FAT3: variants seen among roughly 807,000 people sequenced by gnomAD.
FAT3 encodes FAT atypical cadherin 3.
In FAT3, 95 loss-of-function variants were observed where a neutral mutation model predicts 310.2. That is an observed-to-expected ratio of 0.31 (90% CI 0.26 to 0.36). The LOEUF (loss-of-function observed/expected upper bound fraction) is 0.36. FAT3 is among the 10% of genes least tolerant of loss of function. The pLI, the probability that FAT3 is intolerant of heterozygous loss-of-function variation, is 1.00. For missense variants in FAT3, 5,408 were observed against 5,715.6 expected (o/e 0.95, Z 1.74); for synonymous variants, 2,314 against 2,192.9 (o/e 1.06, Z -1.54).
intron 1 of FAT3, among the ~76,000 whole-genome samples, chr11:92,343,427 A>G (rs1948323668): frequency 6.6e-6 from 1 of 152,166 alleles, no homozygotes. Context: ...CTCAGGGTAG[A>G]CAAGCAGAGT....
At chr11:92,333,894 C>T (rs1039302255) in intron 1 of FAT3, among the ~76,000 whole-genome samples, 1 of 151,958 alleles carries the variant, frequency 6.6e-6, no homozygotes, top group Non-Finnish European at 1.5e-5. Flanking sequence ...ATTCCCCCTC[C>T]CCCCCAACAA....
intron 4 of FAT3, among the ~76,000 whole-genome samples, chr11:92,728,261 C>T (rs1945059773): frequency 6.6e-6 from 1 of 152,086 alleles, no homozygotes; most frequent in African/African-American, 2.4e-5. Context: ...GTTTGTTTAA[C>T]TAGTCCTTGT....
At chr11:92,872,731 T>C (rs1394335353) in intron 22 of FAT3, among the ~76,000 whole-genome samples, 2 of 152,202 alleles carry the variant, frequency 1.3e-5, no homozygotes, top group African/African-American at 2.4e-5. Flanking sequence ...ATATACAATA[T>C]ATAAAATGTG....
intron 13 of FAT3, among the ~76,000 whole-genome samples, chr11:92,823,804 T>G (rs891748120): frequency 6.6e-6 from 1 of 152,230 alleles, no homozygotes; most frequent in Admixed American, 6.5e-5. Context: ...GAAGAACTTT[T>G]AAAAGGCACT....
intron 6 of FAT3, among the ~76,000 whole-genome samples, chr11:92,769,101 GC>G (rs1180624897): frequency 6.6e-6 from 1 of 152,146 alleles, no homozygotes; most frequent in African/African-American, 2.4e-5. Flanking sequence ...AAGCTGGGTA[GC>G]AAGCAAGATT....
At chr11:92,762,786 C>G (rs1946189120) in intron 5 of FAT3, among the ~76,000 whole-genome samples, 1 of 152,126 alleles carries the variant, frequency 6.6e-6, no homozygotes, top group South Asian at 2.1e-4. Flanking sequence ...CCAGTGTGCT[C>G]CCCTGATCCC....
At chr11:92,827,559 A>G (rs946514343) in intron 13 of FAT3, among the ~76,000 whole-genome samples, 2 of 152,190 alleles carry the variant, frequency 1.3e-5, no homozygotes, top group Admixed American at 1.3e-4. Context: ...GTACTAGACC[A>G]CATTGCCTTC....
At chr11:92,677,084 G>GAT (rs1365228026) in intron 3 of FAT3, among the ~76,000 whole-genome samples, 1 of 152,214 alleles carries the variant, frequency 6.6e-6, no homozygotes, top group East Asian at 1.9e-4. Flanking sequence ...TTACAGGCGA[G>GAT]ATACTGGGTC....
intron 4 of FAT3, among the ~76,000 whole-genome samples, chr11:92,711,126 T>G (rs1944506970): frequency 6.6e-6 from 1 of 152,196 alleles, no homozygotes; most frequent in East Asian, 1.9e-4. Context: ...TGTTTTAAAT[T>G]TTGGTAAATA....
At chr11:92,447,457 T>G (rs1483193780) in intron 2 of FAT3, among the ~76,000 whole-genome samples, 1 of 152,056 alleles carries the variant, frequency 6.6e-6, no homozygotes, top group Admixed American at 6.6e-5. Flanking sequence ...CTTCAAGGTG[T>G]GCCATCCTGG....
intron 3 of FAT3, among the ~76,000 whole-genome samples, chr11:92,637,275 A>G (rs1941799018): frequency 6.6e-6 from 1 of 152,202 alleles, no homozygotes; most frequent in African/African-American, 2.4e-5. Context: ...GACTTCTTGC[A>G]TACTCTTTCT....
intron 2 of FAT3, among the ~76,000 whole-genome samples, chr11:92,523,400 A>T (rs1164249849): frequency 6.6e-6 from 1 of 152,166 alleles, no homozygotes; most frequent in Non-Finnish European, 1.5e-5. Context: ...TTCAACATCA[A>T]TCCGGTTATC....
chr11:92,673,363 G>A (rs1213471789), intron 3 of FAT3, among the ~76,000 whole-genome samples: 3 of 152,076 alleles, frequency 2.0e-5, no homozygotes, highest in South Asian at 2.1e-4. Context: ...TTCATCCAAC[G>A]AAACTCTATT....
chr11:92,584,961 T>G (rs891991767), intron 3 of FAT3, among the ~76,000 whole-genome samples: 1 of 152,026 alleles, frequency 6.6e-6, no homozygotes. Flanking sequence ...AGCTAGAGAT[T>G]TGTAATATAA....
intron 4 of FAT3, among the ~76,000 whole-genome samples, chr11:92,745,985 A>T (rs919205760): frequency 6.6e-6 from 1 of 152,200 alleles, no homozygotes; most frequent in Non-Finnish European, 1.5e-5. Flanking sequence ...ATGTCTTTGG[A>T]CAAAGAGAAA....
chr11:92,619,956 A>T (rs1017218452), intron 3 of FAT3, among the ~76,000 whole-genome samples: 1 of 152,084 alleles, frequency 6.6e-6, no homozygotes, highest in Non-Finnish European at 1.5e-5. Flanking sequence ...ATAAATTTAT[A>T]GCTATTAAAA....
At chr11:92,328,759 G>A (rs978834842) in intron 1 of FAT3, among the ~76,000 whole-genome samples, 3 of 152,148 alleles carry the variant, frequency 2.0e-5, no homozygotes, top group African/African-American at 7.2e-5. Context: ...ATAAAACATC[G>A]ATTACCACCT....
At chr11:92,566,187 G>C (rs12575343) in intron 3 of FAT3, among the ~76,000 whole-genome samples, 59,286 of 151,988 alleles carry the variant, frequency 0.39, 12,290 homozygotes, top group Middle Eastern at 0.53. Flanking sequence ...CTTCAGCATA[G>C]TCTCAGGATA....
intron 1 of FAT3, among the ~76,000 whole-genome samples, chr11:92,248,646 C>T (rs919940964): frequency 6.6e-6 from 1 of 151,936 alleles, no homozygotes; most frequent in African/African-American, 2.4e-5. Flanking sequence ...TTTATATTGT[C>T]ATTGTAGAAA....
Sources: allele counts gnomAD v4.1 joint callset (sites outside exome capture counted in the v4.1 genomes callset), GRCh38; gene constraint gnomAD v4.1.1; transcripts MANE v1.5; gene names NCBI Gene and HGNC (gene_info 2026-07-23, HGNC 2026-07-21).